Variants in NTM observed in about 807,000 individuals in gnomAD.
NTM encodes the protein neurotrimin.
In NTM, 13 loss-of-function variants were observed where a neutral mutation model predicts 42.1. That is an observed-to-expected ratio of 0.31 (90% CI 0.20 to 0.49). The LOEUF (loss-of-function observed/expected upper bound fraction) is 0.49, where lower values mean the gene tolerates loss of function less well. Among genes scored for constraint, NTM ranks in the 20% least tolerant of loss-of-function variants. NTM has a pLI of 0.99. For missense variants in NTM, 373 were observed against 452.8 expected (o/e 0.82, Z 1.60); for synonymous variants, 187 against 179.2 (o/e 1.04, Z -0.35).
intron 4 of NTM, among the ~76,000 whole-genome samples, chr11:132,268,917 A>G (rs1183310617): frequency 6.6e-6 from 1 of 152,072 alleles, no homozygotes; most frequent in Non-Finnish European, 1.5e-5. Flanking sequence ...GAGTGGCCTC[A>G]GTGATGACCC....
At chr11:132,030,490 C>A (rs1174837621) in intron 2 of NTM, among the ~76,000 whole-genome samples, 1 of 152,136 alleles carries the variant, frequency 6.6e-6, no homozygotes, top group African/African-American at 2.4e-5. Context: ...CATAATATGT[C>A]ATTTGTACTG....
At chr11:132,068,401 A>G (rs1489358100) in intron 2 of NTM, among the ~76,000 whole-genome samples, 1 of 152,216 alleles carries the variant, frequency 6.6e-6, no homozygotes, top group Non-Finnish European at 1.5e-5. Flanking sequence ...ACTGTAAAAC[A>G]ATTCAGCTAA....
At chr11:131,771,060 A>G (rs750144468) in intron 1 of NTM, 9 of 152,148 alleles carry the variant, frequency 5.9e-5, no homozygotes, top group Non-Finnish European at 1.0e-4. Context: ...GAAAAACTTG[A>G]GATCCACCTC....
At chr11:132,330,823 G>T (rs2095789261) in intron 8 of NTM, among the ~76,000 whole-genome samples, 1 of 152,208 alleles carries the variant, frequency 6.6e-6, no homozygotes, top group Non-Finnish European at 1.5e-5. Context: ...ATTCACTGTG[G>T]AGTGGAGGCG....
At chr11:131,957,106 G>A (rs1303556925) in intron 2 of NTM, among the ~76,000 whole-genome samples, 1 of 152,170 alleles carries the variant, frequency 6.6e-6, no homozygotes, top group Non-Finnish European at 1.5e-5. Context: ...TGTAAACTAC[G>A]AGGTGGCCAT....
At chr11:131,671,765 A>AGAAGT (rs2070298212) in intron 1 of NTM, among the ~76,000 whole-genome samples, 1 of 152,204 alleles carries the variant, frequency 6.6e-6, no homozygotes, top group Non-Finnish European at 1.5e-5. Flanking sequence ...AGTGGCAAAG[A>AGAAGT]GAAGTGTGTC....
chr11:131,656,631 G>C (rs567915478), intron 1 of NTM, among the ~76,000 whole-genome samples: 1 of 152,144 alleles, frequency 6.6e-6, no homozygotes. Flanking sequence ...TGGGTTTTCC[G>C]GTTCTGGTTT....
rs574652784 is a variant in NTM, at chr11:131,611,482, C to T, written c.82+240594C>T. On this transcript the variant is annotated intron_variant, in intron 1 of 8. Transcript: ENST00000683400. ...CTCCGGCTCTCTGCCTCTCCGGCTC[C>T]TCTGTGTGGAATCAGATTGCTCTGG... Among the ~76,000 whole-genome samples the T allele has an allele frequency of 5.8e-4, 89 of 152,312 alleles. 1 individual carries two copies. Among genetic ancestry groups the T allele is most frequent in the African/African-American group, 2.1e-3 (87 of 41,570 alleles).
At chr11:132,024,538 T>C (rs2074892363) in intron 2 of NTM, among the ~76,000 whole-genome samples, 1 of 152,200 alleles carries the variant, frequency 6.6e-6, no homozygotes, top group Non-Finnish European at 1.5e-5. Flanking sequence ...GTTGGTTTTG[T>C]TTTTGAATAG....
chr11:131,739,438 G>T (rs1388401541), intron 1 of NTM, among the ~76,000 whole-genome samples: 2 of 152,148 alleles, frequency 1.3e-5, no homozygotes, highest in African/African-American at 2.4e-5. Context: ...ATAATGAGCT[G>T]CCATTATTGC....
chr11:132,292,275 C>T (rs965913225), intron 4 of NTM, among the ~76,000 whole-genome samples: 2 of 152,112 alleles, frequency 1.3e-5, no homozygotes, highest in Non-Finnish European at 2.9e-5. Context: ...ATGAGAGTTG[C>T]AGTGATGGGT....
intron 1 of NTM, among the ~76,000 whole-genome samples, chr11:131,495,054 C>A (rs1420560452): frequency 6.6e-6 from 1 of 152,138 alleles, no homozygotes; most frequent in Admixed American, 6.6e-5. Context: ...TTGAAGGAAG[C>A]TGAGAATTAA....
chr11:131,645,851 G>T (rs207472529), intron 1 of NTM, among the ~76,000 whole-genome samples: 4 of 152,138 alleles, frequency 2.6e-5, no homozygotes, highest in Non-Finnish European at 4.4e-5. Context: ...GCTAATGTTG[G>T]GGTTGAATCA....
chr11:132,240,841 T>C (rs2090069026), intron 4 of NTM, among the ~76,000 whole-genome samples: 1 of 152,230 alleles, frequency 6.6e-6, no homozygotes, highest in Non-Finnish European at 1.5e-5. Context: ...AGAAATATTG[T>C]GGCTGGGGAA....
chr11:132,270,818 C>T (rs2093442027), intron 4 of NTM, among the ~76,000 whole-genome samples: 1 of 151,850 alleles, frequency 6.6e-6, no homozygotes, highest in South Asian at 2.1e-4. Flanking sequence ...TGGAATTGTG[C>T]TTTGTGTATG....
Position 131,426,372 on chromosome 11 carries a change from C to T in NTM, c.82+55484C>T, listed in dbSNP as rs572977937. On this transcript the variant is annotated intron_variant, in intron 1 of 8. Transcript: ENST00000683400. ...GAGCCATGGGAAGCCAGTGCATCCC[C>T]ACAAGGGCACGACCCTGAGCTCCTC... Among the ~76,000 whole-genome samples, 6 of 152,204 alleles carry T rather than the reference C, an allele frequency of 3.9e-5. No homozygotes were observed. The East Asian group carries it at 9.7e-4, about 25-fold the overall frequency.
Position 132,072,971 on chromosome 11 carries a change from A to G in NTM, c.168-73311A>G, listed in dbSNP as rs147981863. Among the ~76,000 whole-genome samples the G allele has an allele frequency of 2.6e-3, 393 of 152,308 alleles. 2 individuals carry two copies. The highest frequency in any genetic ancestry group is 9.0e-3 in the African/African-American group (376 of 41,568). ...AGTTACTCTATGGCCAGATGCGTGC[A>G]GATCCAAAGATGGTGTCATTTGTGA... On this transcript the variant is annotated intron_variant, in intron 2 of 8. Transcript: ENST00000683400.
At chr11:131,813,467 G>T (rs910878225) in intron 1 of NTM, among the ~76,000 whole-genome samples, 2 of 152,110 alleles carry the variant, frequency 1.3e-5, no homozygotes, top group African/African-American at 4.8e-5. Flanking sequence ...TCCTGTAAAG[G>T]ACGGATGAAG....
At chr11:131,605,086 A>G (rs2060825588) in intron 1 of NTM, among the ~76,000 whole-genome samples, 1 of 151,334 alleles carries the variant, frequency 6.6e-6, no homozygotes, top group Non-Finnish European at 1.5e-5. Flanking sequence ...CATCTTGTCA[A>G]TTTCTGCAAA....
Sources: allele counts gnomAD v4.1 joint callset (sites outside exome capture counted in the v4.1 genomes callset), GRCh38; gene constraint gnomAD v4.1.1; transcripts MANE v1.5; gene names NCBI Gene and HGNC (gene_info 2026-07-23, HGNC 2026-07-21).